DCC: variants seen among roughly 807,000 people sequenced by gnomAD.
DCC encodes the protein DCC netrin 1 receptor.
DCC carries 58 observed loss-of-function variants against 172.5 expected under a neutral mutation model. The ratio of observed to expected loss-of-function variants is 0.34; its 90% confidence interval spans 0.27 to 0.42. The LOEUF is 0.42. DCC is among the 10% of genes least tolerant of loss of function. The pLI is 1.00. For synonymous variants in DCC, 709 were observed against 644.5 expected (o/e 1.10, Z -1.52); for missense variants, 1,740 against 1,791.0 (o/e 0.97, Z 0.51).
At chr18:53,352,348 C>T (rs1055736884) in intron 15 of DCC, among the ~76,000 whole-genome samples, 2 of 151,988 alleles carry the variant, frequency 1.3e-5, no homozygotes, top group African/African-American at 2.4e-5. Context: ...TGGGCATTTT[C>T]CTTTATTAAA....
intron 12 of DCC, among the ~76,000 whole-genome samples, chr18:53,281,665 G>T (rs1339947756): frequency 6.6e-6 from 1 of 152,008 alleles, no homozygotes; most frequent in Non-Finnish European, 1.5e-5. Context: ...AAATACGCAG[G>T]AATTTTGCAA....
intron 1 of DCC, among the ~76,000 whole-genome samples, chr18:52,664,344 A>T (rs2035419984): frequency 6.6e-6 from 1 of 152,036 alleles, no homozygotes; most frequent in Non-Finnish European, 1.5e-5. Flanking sequence ...TCATCTAAGG[A>T]AGGAAACTTT....
Position 52,409,806 on chromosome 18 carries a change from A to T in DCC, c.91+68928A>T, listed in dbSNP as rs144719733. ...TGTCATGACTGGTCATCAAGAGGAG[A>T]TTGTCAGGTAGGAAGGGCAAGTATC... On this transcript the variant is annotated intron_variant, in intron 1 of 28. Transcript: ENST00000442544. Among the ~76,000 whole-genome samples, 325 of 152,230 alleles carry T rather than the reference A, an allele frequency of 2.1e-3. 1 individual carries two copies. Among genetic ancestry groups the T allele is most frequent in the Admixed American group, 6.0e-3 (92 of 15,278 alleles).
Position 52,483,238 on chromosome 18 carries a change from C to G in DCC, c.91+142360C>G, listed in dbSNP as rs1378175887. ...GACCTCATCTCAAGATTCTTAATTA[C>G]ATATGCAATGACTGTTTTCCAAATA... is the stretch of plus-strand genomic sequence containing the variant. On this transcript the variant is annotated intron_variant, in intron 1 of 28. Transcript: ENST00000442544. 3.9e-5 allele frequency among the ~76,000 whole-genome samples: 6 copies of G among 152,240 alleles called. No homozygotes were observed. The East Asian group carries it at 9.7e-4, about 25-fold the overall frequency.
At chr18:52,999,075 A>G (rs1229142606) in intron 5 of DCC, among the ~76,000 whole-genome samples, 2 of 152,116 alleles carry the variant, frequency 1.3e-5, no homozygotes, top group Non-Finnish European at 2.9e-5. Flanking sequence ...TTCAACAGCT[A>G]TTGAATGCAA....
intron 1 of DCC, among the ~76,000 whole-genome samples, chr18:52,385,497 G>T (rs575552262): frequency 1.3e-5 from 2 of 152,142 alleles, no homozygotes; most frequent in South Asian, 4.1e-4. Flanking sequence ...GAGCTACTGT[G>T]CCTGGCCTGA....
intron 2 of DCC, among the ~76,000 whole-genome samples, chr18:52,871,125 G>T (rs1049633067): frequency 1.3e-5 from 2 of 152,062 alleles, no homozygotes; most frequent in African/African-American, 4.8e-5. Context: ...TACACATTCA[G>T]GACAAAAAGT....
At chr18:53,430,195 T>A (rs1393429570) in intron 21 of DCC, among the ~76,000 whole-genome samples, 1 of 152,144 alleles carries the variant, frequency 6.6e-6, no homozygotes, top group Non-Finnish European at 1.5e-5. Flanking sequence ...AATTTTAAGA[T>A]CAAGAAGATA....
intron 1 of DCC, among the ~76,000 whole-genome samples, chr18:52,382,073 G>T (rs1985610276): frequency 6.6e-6 from 1 of 152,090 alleles, no homozygotes; most frequent in Non-Finnish European, 1.5e-5. Context: ...CAAAGAAGCT[G>T]CATGCTGCAC....
intron 1 of DCC, among the ~76,000 whole-genome samples, chr18:52,646,483 A>G (rs151218257): frequency 3.9e-5 from 6 of 152,284 alleles, no homozygotes; most frequent in African/African-American, 1.4e-4. Flanking sequence ...TGGTCCCACA[A>G]GACTGCCTGT....
chr18:53,167,143 C>A lies in DCC; in HGVS notation c.1418+9631C>A, dbSNP rs532003580. On this transcript the variant is annotated intron_variant, in intron 8 of 28. Transcript: ENST00000442544. ...GCAACTAATTAGGTGTTTGACCCCT[C>A]AAGGCAGCATTTGTTGCTCAACTCA... Among the ~76,000 whole-genome samples, 5 of 152,298 alleles carry A rather than the reference C, an allele frequency of 3.3e-5. No individual in the cohort carries two copies. The South Asian group carries it at 1.0e-3, about 32-fold the overall frequency.
At chr18:53,367,314 A>G (rs1351637242) in intron 15 of DCC, among the ~76,000 whole-genome samples, 1 of 152,206 alleles carries the variant, frequency 6.6e-6, no homozygotes, top group Non-Finnish European at 1.5e-5. Flanking sequence ...GACGTTCAAT[A>G]AAATAAAATT....
chr18:52,786,503 A>G (rs2037663221), intron 2 of DCC, among the ~76,000 whole-genome samples: 1 of 152,086 alleles, frequency 6.6e-6, no homozygotes, highest in South Asian at 2.1e-4. Context: ...TTTGTAGAAA[A>G]AACTTTAACC....
intron 2 of DCC, among the ~76,000 whole-genome samples, chr18:52,815,437 C>T (rs183100206): frequency 1.7e-4 from 25 of 150,542 alleles, no homozygotes; most frequent in African/African-American, 5.4e-4. Context: ...CACACACACA[C>T]GTTCTCTCTC....
intron 1 of DCC, among the ~76,000 whole-genome samples, chr18:52,397,515 C>A (rs1022098058): frequency 1.3e-5 from 2 of 152,008 alleles, no homozygotes; most frequent in Non-Finnish European, 2.9e-5. Flanking sequence ...TCCTAGGGTC[C>A]CATCAGCTAT....
intron 1 of DCC, among the ~76,000 whole-genome samples, chr18:52,692,098 A>T (rs1482272739): frequency 1.3e-5 from 2 of 152,176 alleles, no homozygotes; most frequent in African/African-American, 4.8e-5. Context: ...GGGGATTGAT[A>T]ATAGTTTGAG....
chr18:53,094,293 GA>G (rs1405407039), intron 7 of DCC, among the ~76,000 whole-genome samples: 5 of 152,184 alleles, frequency 3.3e-5, no homozygotes, highest in African/African-American at 1.2e-4. Flanking sequence ...CAACTGGGAA[GA>G]AGGACTTTGT....
At chr18:53,329,745 AAG>A (rs2057509216) in intron 14 of DCC, among the ~76,000 whole-genome samples, 1 of 152,256 alleles carries the variant, frequency 6.6e-6, no homozygotes, top group Non-Finnish European at 1.5e-5. Flanking sequence ...GGGGTGGAAA[AAG>A]AAATTTATAT....
chr18:52,547,683 C>T (rs1056990327), intron 1 of DCC, among the ~76,000 whole-genome samples: 4 of 151,972 alleles, frequency 2.6e-5, no homozygotes, highest in Non-Finnish European at 5.9e-5. Context: ...GTTAGGCATA[C>T]TGGGATTTCG....
Sources: gnomAD v4.1 joint callset for allele counts (sites outside exome capture counted in the v4.1 genomes callset) on GRCh38, gnomAD v4.1.1 for gene constraint, MANE v1.5 for transcripts, NCBI Gene and HGNC (gene_info 2026-07-23, HGNC 2026-07-21) for gene names.